LRRFIP1: variants seen among roughly 807,000 people sequenced by gnomAD.
LRRFIP1 encodes LRR binding FLII interacting protein 1.
A neutral mutation model predicts 104.4 loss-of-function variants in LRRFIP1; 62 were observed. The observed-to-expected ratio is 0.59, with a 90% CI of 0.48 to 0.73. LRRFIP1 has a LOEUF of 0.73. LRRFIP1 is among the 30% of genes least tolerant of loss of function. The pLI is 0.00. For missense variants in LRRFIP1, 796 were observed against 824.5 expected (o/e 0.97, Z 0.42); for synonymous variants, 300 against 299.0 (o/e 1.00, Z -0.03).
At chr2:237,683,513 T>C (rs1331583154) in intron 1 of LRRFIP1, 1 of 152,234 alleles carries the variant, frequency 6.6e-6, no homozygotes, top group African/African-American at 2.4e-5. Context: ...TTGTATGTTC[T>C]ATGTCCAAGT....
Position 237,757,498 on chromosome 2 carries a change from G to GAGAT in LRRFIP1, c.1175_1178dup (p.Ser394AspfsTer3), listed in dbSNP as rs2150770632. The GAGAT allele has an allele frequency of 6.3e-7, 1 of 1,596,858 alleles. No homozygotes were observed. Among genetic ancestry groups the GAGAT allele is most frequent in the East Asian group, 2.3e-5 (1 of 44,360 alleles). Reference sequence around the variant, plus strand: ...GCAGAAACAGGCGAGTTCTATCAGGGAGATTTCTGATCTTCAGGAAACAAT... The same window carrying GAGAT: ...GCAGAAACAGGCGAGTTCTATCAGGGAGATAGATTTCTGATCTTCAGGAAACAAT... On this transcript the variant is annotated frameshift_variant, in exon 17 of 24. Coordinates refer to ENST00000308482, the MANE Select transcript of LRRFIP1 (RefSeq NM_001137550.2). LOFTEE classifies it high-confidence loss of function.
At position 237,727,907 on chromosome 2, in the gene LRRFIP1, C is replaced by A. The variant is rs774742734; in HGVS notation, c.416C>A (p.Ser139Ter). ...TNGYDGELYG[S>*]QSLNRRSGRP... ...GGTTATGATGGAGAATTGTATGGAT[C>A]ACAGTCCCTGAATAGAAGATCTGGC... is the stretch of plus-strand genomic sequence containing the variant. The change falls in exon 8 of 24, where the codon TCA becomes TAA. Residue 139 changes from serine to a stop codon, truncating the protein, a stop_gained. Coordinates refer to ENST00000308482, the MANE Select transcript of LRRFIP1 (RefSeq NM_001137550.2). LOFTEE classifies it high-confidence loss of function. 6.2e-7 allele frequency: 1 copy of A among 1,612,052 alleles called. No homozygotes were observed. The highest frequency in any genetic ancestry group is 2.2e-5 in the East Asian group (1 of 44,822).
At chr2:237,725,766 C>T (rs1411334245) in intron 7 of LRRFIP1, among the ~76,000 whole-genome samples, 1 of 152,214 alleles carries the variant, frequency 6.6e-6, no homozygotes, top group East Asian at 1.9e-4. Context: ...GGAAAGGTGA[C>T]AAATGAGAGG....
At chr2:237,727,702 C>T (rs945563680) in intron 7 of LRRFIP1, among the ~76,000 whole-genome samples, 174 bp from the exon 8 acceptor site, 11 of 152,184 alleles carry the variant, frequency 7.2e-5, no homozygotes, top group East Asian at 3.9e-4. Context: ...GGGGAGCAGA[C>T]GGCGGCAGGG....
chr2:237,739,661 A>C (rs758261380), intron 11 of LRRFIP1, among the ~76,000 whole-genome samples: 6 of 152,154 alleles, frequency 3.9e-5, no homozygotes, highest in Admixed American at 2.6e-4. Context: ...TGGCCTGTAG[A>C]TCCCGGGACG....
chr2:237,660,575 A>G (rs1269226014), intron 1 of LRRFIP1, among the ~76,000 whole-genome samples: 1 of 152,286 alleles, frequency 6.6e-6, no homozygotes, highest in East Asian at 1.9e-4. Flanking sequence ...CGGAAGTTCT[A>G]CCTCTGGGAA....
At chr2:237,748,818 C>T (rs1427778939) in intron 12 of LRRFIP1, among the ~76,000 whole-genome samples, 1 of 152,178 alleles carries the variant, frequency 6.6e-6, no homozygotes, top group Non-Finnish European at 1.5e-5. Flanking sequence ...TTAGTCCGTT[C>T]TCACACTGCC....
intron 8 of LRRFIP1, among the ~76,000 whole-genome samples, chr2:237,728,482 G>A (rs1339569464): frequency 3.3e-5 from 5 of 151,628 alleles, no homozygotes. Context: ...GCTGCTCTAG[G>A]GGGAGAGAGA....
At chr2:237,731,357 C>G (rs1484880309) in intron 8 of LRRFIP1, among the ~76,000 whole-genome samples, 1 of 152,064 alleles carries the variant, frequency 6.6e-6, no homozygotes, top group African/African-American at 2.4e-5. Flanking sequence ...CACCCCTTGT[C>G]CAACCCCTTC....
In LRRFIP1 at chr2:237,750,549, C is replaced by T. The variant is rs1388412616; in HGVS notation, c.796-651C>T. ...ACGGGGTTTCGCCATGTTGGCCAGG[C>T]TGGTCTTGAACTCCTGACCTCAGGT... On this transcript the variant is annotated intron_variant, in intron 13 of 23. Transcript: ENST00000308482. Among the ~76,000 whole-genome samples the T allele has an allele frequency of 3.9e-5, 6 of 152,146 alleles. 1 individual carries two copies. The Middle Eastern group carries it at 0.017, about 431-fold the overall frequency.
At chr2:237,686,514 A>G (rs1341879905) in intron 1 of LRRFIP1, among the ~76,000 whole-genome samples, 4 of 152,230 alleles carry the variant, frequency 2.6e-5, no homozygotes, top group African/African-American at 9.6e-5. Flanking sequence ...CCCACCCATC[A>G]TTTATAAGGC....
At position 237,642,484 on chromosome 2, in the gene LRRFIP1, C is replaced by T. The variant is rs183288818; in HGVS notation, c.96+14744C>T. On this transcript the variant is annotated intron_variant, in intron 1 of 23. Coordinates refer to ENST00000308482, the MANE Select transcript of LRRFIP1 (RefSeq NM_001137550.2). ...GTTCCAGGCTGAGGGTTTCAGGTTC[C>T]GGGTTCCAGGCTAAGGGTTTCAGGT... Among the ~76,000 whole-genome samples the T allele has an allele frequency of 1.9e-4, 29 of 151,696 alleles. No individual in the cohort carries two copies. The East Asian group carries it at 2.9e-3, about 15-fold the overall frequency.
At chr2:237,728,350 A>G (rs2094851766) in intron 8 of LRRFIP1, among the ~76,000 whole-genome samples, 1 of 152,204 alleles carries the variant, frequency 6.6e-6, no homozygotes, top group South Asian at 2.1e-4. Flanking sequence ...TTTACCTTAA[A>G]GGCATGTGTA....
At position 237,649,208 on chromosome 2, in the gene LRRFIP1, C is replaced by T. The variant is rs558091939; in HGVS notation, c.96+21468C>T. Among the ~76,000 whole-genome samples, 2 of 151,748 alleles carry T rather than the reference C, an allele frequency of 1.3e-5. No homozygotes were observed. Among genetic ancestry groups the T allele is most frequent in the East Asian group, 3.9e-4 (2 of 5,176 alleles). On this transcript the variant is annotated intron_variant, in intron 1 of 23. Transcript: ENST00000308482. The surrounding 1 kb of genome is among the most constrained non-coding windows in gnomAD (Gnocchi z 4.1). ...AAAGCCTGGCCCCAGAACAGCCCCTCCCTCCCCACCCACAGCTGTGCCCAG... is the reference window on the plus strand; with the variant it reads ...AAAGCCTGGCCCCAGAACAGCCCCTTCCTCCCCACCCACAGCTGTGCCCAG...
At chr2:237,714,148 T>C in intron 2 of LRRFIP1, 111 bp from the exon 3 acceptor site, 1 of 662,820 alleles carries the variant, frequency 1.5e-6, no homozygotes, top group African/African-American at 1.8e-5. Flanking sequence ...TTTTACTGTA[T>C]TCGTTGTGAC....
At chr2:237,718,754 C>T (rs894439063) in intron 4 of LRRFIP1, among the ~76,000 whole-genome samples, 4 of 152,160 alleles carry the variant, frequency 2.6e-5, no homozygotes, top group African/African-American at 4.8e-5. Context: ...TAACATCTTA[C>T]GTACTGGGTA....
chr2:237,752,618 G>C (rs1330966924), intron 14 of LRRFIP1, among the ~76,000 whole-genome samples: 1 of 152,190 alleles, frequency 6.6e-6, no homozygotes, highest in Non-Finnish European at 1.5e-5. Context: ...CTCTGTTTTG[G>C]AATCGCCTTC....
chr2:237,735,800 A>G lies in LRRFIP1; in HGVS notation c.555+467A>G, dbSNP rs1053347866. 6.4e-6 allele frequency: 1 copy of G among 156,878 alleles called. No homozygotes were observed. Among genetic ancestry groups the G allele is most frequent in the African/African-American group, 2.4e-5 (1 of 41,528 alleles). 9.7% of individuals were successfully genotyped at this position (156,878 alleles called of 1,614,324 possible). On this transcript the variant is annotated intron_variant, in intron 10 of 23. Transcript: ENST00000308482. This position sits in a 1 kb window ranked among gnomAD's most constrained non-coding sequence, Gnocchi z 4.6. Reference sequence around the variant, plus strand: ...TCAATTTGAAATGATAGGCTCAGCTATGAGGGTAAAGATGTAATAGGTGCA... The same window carrying G: ...TCAATTTGAAATGATAGGCTCAGCTGTGAGGGTAAAGATGTAATAGGTGCA...
chr2:237,687,603 CAAAAAAAAAA>C (rs58549867), intron 1 of LRRFIP1, among the ~76,000 whole-genome samples: 1 of 81,114 alleles, frequency 1.2e-5, no homozygotes, highest in Non-Finnish European at 2.5e-5. Flanking sequence ...GACTCCATCT[CAAAAAAAAAA>C]AAAAAAAAAA....
Sources: gnomAD v4.1 joint callset for allele counts (sites outside exome capture counted in the v4.1 genomes callset) on GRCh38, gnomAD v4.1.1 for gene constraint, Gnocchi (gnomAD v3.1) non-coding constraint, MANE v1.5 for transcripts, NCBI Gene and HGNC (gene_info 2026-07-23, HGNC 2026-07-21) for gene names.